The following PHIP variants were observed in gnomAD, a reference collection of about 807,000 sequenced individuals.
PHIP encodes PHIP subunit of CUL4-Ring ligase complex.
PHIP carries 54 observed loss-of-function variants against 236.8 expected under a neutral mutation model. The observed-to-expected ratio is 0.23, with a 90% CI of 0.18 to 0.29. PHIP has a LOEUF of 0.29. Among genes scored for constraint, PHIP ranks in the 10% least tolerant of loss-of-function variants. The probability of loss-of-function intolerance (pLI) is 1.00; values close to 1 mark genes in which losing one functional copy is unlikely to be tolerated. For missense variants in PHIP, 1,370 were observed against 2,190.8 expected, an observed-to-expected ratio of 0.63 and a Z score of 7.48; for synonymous variants, 756 against 718.9, an observed-to-expected ratio of 1.05 and a Z score of -0.83.
chr6:79,049,616 G>A lies in PHIP; in HGVS notation c.440-6613C>T, dbSNP rs138974779. 2.2e-4 allele frequency among the ~76,000 whole-genome samples: 33 copies of A among 152,224 alleles called. No individual in the cohort carries two copies. The East Asian group carries it at 5.4e-3, about 25-fold the overall frequency. Reference sequence around the variant, plus strand: ...TAATAACTATCACTGTAAAACAACAGTTTGGAACTCCATGACACTAAAATT... The same window carrying A: ...TAATAACTATCACTGTAAAACAACAATTTGGAACTCCATGACACTAAAATT... On this transcript the variant is annotated intron_variant, in intron 6 of 39. Coordinates refer to ENST00000275034, the MANE Select transcript of PHIP (RefSeq NM_017934.7).
chr6:78,975,297 G>C (rs1767963201), intron 24 of PHIP, among the ~76,000 whole-genome samples: 1 of 152,174 alleles, frequency 6.6e-6, no homozygotes. Flanking sequence ...AATAGATGCA[G>C]AAAAGGCCTT....
At chr6:78,946,638 TA>T in intron 37 of PHIP, 72 bp downstream of exon 37, 1 of 1,471,150 alleles carries the variant, frequency 6.8e-7, no homozygotes, top group Non-Finnish European at 8.9e-7. Context: ...AAGGAAGTAT[TA>T]AAAAACACCA....
At chr6:78,996,648 C>T (rs1168938728) in intron 19 of PHIP, among the ~76,000 whole-genome samples, 1 of 152,026 alleles carries the variant, frequency 6.6e-6, no homozygotes, top group Non-Finnish European at 1.5e-5. Flanking sequence ...AATTCTAAAT[C>T]CTAACATAAA....
intron 7 of PHIP, among the ~76,000 whole-genome samples, chr6:79,030,383 T>C (rs1049051352): frequency 2.0e-5 from 3 of 152,198 alleles, no homozygotes; most frequent in East Asian, 1.9e-4. Flanking sequence ...TAAGTAGTCA[T>C]TTCTTTTCAG....
chr6:79,029,415 CTATACAA>C (rs563105396), intron 7 of PHIP, among the ~76,000 whole-genome samples: 1,828 of 152,212 alleles, frequency 0.012, 26 homozygotes, highest in African/African-American at 0.024. Context: ...TTTAAGATGA[CTATACAA>C]TATACAAGTA....
chr6:79,076,938 G>A (rs976195960), intron 4 of PHIP, among the ~76,000 whole-genome samples: 3 of 152,210 alleles, frequency 2.0e-5, no homozygotes, highest in African/African-American at 7.2e-5. Context: ...AAAAAATAAT[G>A]TCTTGCCACG....
intron 15 of PHIP, among the ~76,000 whole-genome samples, chr6:79,011,374 T>A (rs940699298): frequency 2.0e-5 from 3 of 151,808 alleles, no homozygotes; most frequent in Non-Finnish European, 4.4e-5. Flanking sequence ...TCTACAAAAT[T>A]CTCTTTGGTT....
chr6:78,970,390 A>C (rs2127705465), intron 25 of PHIP, among the ~76,000 whole-genome samples: 1 of 152,270 alleles, frequency 6.6e-6, no homozygotes, highest in African/African-American at 2.4e-5. Context: ...AGGAAAAAAA[A>C]ATAAGGAGAA....
chr6:79,054,102 C>T (rs560012303), intron 6 of PHIP, among the ~76,000 whole-genome samples: 1 of 145,988 alleles, frequency 6.8e-6, no homozygotes, highest in South Asian at 2.2e-4. Context: ...GCATAATGAA[C>T]ATTATTTCCC....
At chr6:79,038,970 C>T (rs1169198864) in intron 7 of PHIP, among the ~76,000 whole-genome samples, 4 of 152,144 alleles carry the variant, frequency 2.6e-5, no homozygotes, top group African/African-American at 7.2e-5. Context: ...ATCAGTCTCT[C>T]GAGTCTTACA....
intron 7 of PHIP, among the ~76,000 whole-genome samples, chr6:79,027,930 T>C (rs1340591397): frequency 6.6e-6 from 1 of 152,116 alleles, no homozygotes; most frequent in East Asian, 1.9e-4. Context: ...GTCACAAAAC[T>C]AAATGAGGGT....
At chr6:79,046,409 T>A (rs1772488354) in intron 6 of PHIP, among the ~76,000 whole-genome samples, 1 of 152,202 alleles carries the variant, frequency 6.6e-6, no homozygotes, top group South Asian at 2.1e-4. Flanking sequence ...TTGCTCTTCA[T>A]CTATCACTTA....
intron 7 of PHIP, among the ~76,000 whole-genome samples, chr6:79,027,073 TA>T (rs1285449862): frequency 6.6e-6 from 1 of 152,100 alleles, no homozygotes; most frequent in African/African-American, 2.4e-5. Context: ...ATCTAATTCT[TA>T]AAGAAACACC....
At chr6:79,064,812 A>G (rs1042131240) in intron 4 of PHIP, among the ~76,000 whole-genome samples, 1 of 152,198 alleles carries the variant, frequency 6.6e-6, no homozygotes, top group Non-Finnish European at 1.5e-5. Flanking sequence ...GACAATTGTT[A>G]TAACAATGAT....
At position 79,078,062 on chromosome 6, in the gene PHIP, A is replaced by C. The variant is rs1774283121; in HGVS notation, c.7T>G (p.Cys3Gly). 1.2e-6 allele frequency: 2 copies of C among 1,608,910 alleles called. No individual in the cohort carries two copies. The highest frequency in any genetic ancestry group is 1.7e-6 in the Non-Finnish European group (2 of 1,179,288). The change falls in exon 1 of 40, where the codon TGT (cysteine) becomes GGT (glycine). Residue 3 changes from cysteine (C) to glycine (G), a missense_variant. Transcript: ENST00000275034. ...AGCTCCGAGAGGCCTTTCCTCTCAC[A>C]AGACATGTTTATGGGTCACTTCAGG... is the stretch of plus-strand genomic sequence containing the variant. MS[C>G]ERKGLSELRS...
intron 29 of PHIP, 50 bp downstream of exon 29, chr6:78,965,651 CTT>C: frequency 1.0e-6 from 1 of 995,580 alleles, no homozygotes; most frequent in Non-Finnish European, 1.5e-6. Context: ...TAAATAATTT[CTT>C]AAGAAATTAA....
At chr6:79,042,814 A>C (rs772568635) in intron 7 of PHIP, 29 bp downstream of exon 7, 4 of 1,496,824 alleles carry the variant, frequency 2.7e-6, no homozygotes, top group Non-Finnish European at 3.6e-6. Context: ...ACATATATGA[A>C]TATAAATAAT....
chr6:78,977,574 G>A (rs941640763), intron 24 of PHIP, among the ~76,000 whole-genome samples: 4 of 139,644 alleles, frequency 2.9e-5, no homozygotes, highest in African/African-American at 1.0e-4. Flanking sequence ...ATGGAATAGT[G>A]CTGAATAATG....
intron 24 of PHIP, among the ~76,000 whole-genome samples, chr6:78,974,025 C>T (rs1175732544): frequency 6.6e-6 from 1 of 152,138 alleles, no homozygotes; most frequent in Non-Finnish European, 1.5e-5. Flanking sequence ...ACCAAGCAGA[C>T]CTAATAGACT....
Sources: gnomAD v4.1 joint callset for allele counts (sites outside exome capture counted in the v4.1 genomes callset) on GRCh38, gnomAD v4.1.1 for gene constraint, MANE v1.5 for transcripts, NCBI Gene and HGNC (gene_info 2026-07-23, HGNC 2026-07-21) for gene names.